The following ITGA9 variants were observed in gnomAD, a reference collection of about 807,000 sequenced individuals.
The protein encoded by ITGA9 is integrin subunit alpha 9, also known as integrin alpha-9.
ITGA9 carries 56 observed loss-of-function variants against 127.8 expected under a neutral mutation model. That is an observed-to-expected ratio of 0.44 (90% CI 0.35 to 0.55). ITGA9 has a LOEUF of 0.55. Among genes scored for constraint, ITGA9 ranks in the 20% least tolerant of loss-of-function variants. The pLI, the probability that ITGA9 is intolerant of heterozygous loss-of-function variation, is 0.00. For missense variants in ITGA9, 1,196 were observed against 1,347.1 expected (o/e 0.89, Z 1.76); for synonymous variants, 508 against 514.5 (o/e 0.99, Z 0.17).
intron 27 of ITGA9, among the ~76,000 whole-genome samples, chr3:37,809,301 G>A (rs910616147): frequency 6.6e-6 from 1 of 152,062 alleles, no homozygotes; most frequent in Non-Finnish European, 1.5e-5. Flanking sequence ...GGCCAGGCTG[G>A]TCTCGAACTC....
chr3:37,657,584 C>T, intron 17 of ITGA9, among the ~76,000 whole-genome samples: 1 of 146,834 alleles, frequency 6.8e-6, no homozygotes, highest in East Asian at 2.0e-4. Flanking sequence ...CTGTTTTCTT[C>T]TTTATTAGTG....
chr3:37,815,241 G>A (rs1298059195), intron 27 of ITGA9, among the ~76,000 whole-genome samples: 1 of 152,208 alleles, frequency 6.6e-6, no homozygotes, highest in East Asian at 1.9e-4. Context: ...TTAACACACT[G>A]TCTATGTCAA....
At chr3:37,566,783 T>C (rs1417783046) in intron 15 of ITGA9, among the ~76,000 whole-genome samples, 1 of 152,186 alleles carries the variant, frequency 6.6e-6, no homozygotes, top group Non-Finnish European at 1.5e-5. Flanking sequence ...ACCAGAGAGA[T>C]TTAAGCAAGA....
chr3:37,470,289 G>A (rs902933857), intron 1 of ITGA9, among the ~76,000 whole-genome samples: 1 of 152,114 alleles, frequency 6.6e-6, no homozygotes, highest in Admixed American at 6.5e-5. Context: ...ATTAGGAACT[G>A]TTGAATAGTT....
chr3:37,678,715 A>G (rs1700706434), intron 17 of ITGA9, among the ~76,000 whole-genome samples: 1 of 152,226 alleles, frequency 6.6e-6, no homozygotes, highest in African/African-American at 2.4e-5. Context: ...ATTATTAAGC[A>G]CCATCCAAAA....
intron 15 of ITGA9, among the ~76,000 whole-genome samples, chr3:37,596,665 CTTAGG>C (rs1699873927): frequency 6.6e-6 from 1 of 152,120 alleles, no homozygotes; most frequent in Admixed American, 6.5e-5. Flanking sequence ...GGGGTTGTAC[CTTAGG>C]TGACCCTAGG....
At chr3:37,638,172 A>G (rs1700298921) in intron 16 of ITGA9, among the ~76,000 whole-genome samples, 1 of 152,178 alleles carries the variant, frequency 6.6e-6, no homozygotes, top group South Asian at 2.1e-4. Context: ...TAAATCAACG[A>G]GTAGTAGTAT....
chr3:37,501,595 T>C (rs992010892), intron 5 of ITGA9, among the ~76,000 whole-genome samples: 1 of 152,168 alleles, frequency 6.6e-6, no homozygotes, highest in African/African-American at 2.4e-5. Context: ...GTTCCTCCTC[T>C]TTACTCCAGG....
At chr3:37,789,296 G>C (rs1697077197) in intron 26 of ITGA9, among the ~76,000 whole-genome samples, 1 of 152,162 alleles carries the variant, frequency 6.6e-6, no homozygotes, top group Non-Finnish European at 1.5e-5. Context: ...TTAAGAGTTG[G>C]TATGATGTGC....
At chr3:37,774,934 A>G (rs1696888738) in intron 23 of ITGA9, among the ~76,000 whole-genome samples, 2 of 152,364 alleles carry the variant, frequency 1.3e-5, no homozygotes, top group South Asian at 4.1e-4. Flanking sequence ...AGATAAATTT[A>G]GCAAATTTTG....
At chr3:37,464,416 G>A (rs945033788) in intron 1 of ITGA9, among the ~76,000 whole-genome samples, 4 of 151,924 alleles carry the variant, frequency 2.6e-5, no homozygotes, top group Non-Finnish European at 5.9e-5. Context: ...ACCTACTACT[G>A]CCCAGCAGTC....
intron 11 of ITGA9, among the ~76,000 whole-genome samples, chr3:37,522,336 G>A (rs569000016): frequency 1.3e-5 from 2 of 152,278 alleles, no homozygotes; most frequent in South Asian, 2.1e-4. Context: ...TGCGCCACAC[G>A]AATGTTGATG....
intron 18 of ITGA9, among the ~76,000 whole-genome samples, chr3:37,693,094 T>C (rs1700848373): frequency 6.6e-6 from 1 of 152,188 alleles, no homozygotes; most frequent in Non-Finnish European, 1.5e-5. Flanking sequence ...CTCCTGATCA[T>C]GCTCTAGCGC....
chr3:37,787,760 G>A (rs551090202), intron 26 of ITGA9, among the ~76,000 whole-genome samples: 64 of 152,250 alleles, frequency 4.2e-4, no homozygotes, highest in African/African-American at 1.4e-3. Context: ...ATAGAGCCTC[G>A]CCACCAAATT....
chr3:37,506,151 C>G, intron 7 of ITGA9, 66 bp downstream of exon 7: 1 of 1,215,972 alleles, frequency 8.2e-7, no homozygotes, highest in Non-Finnish European at 1.2e-6. Context: ...GTCCCTGGTG[C>G]AGAGGTTTGC....
rs146830240 is a variant in ITGA9, at chr3:37,731,041, G to T, written c.2068-1671G>T. ...CTGGCAGCCAGCCAAATGGACTGAA[G>T]GGGAAGGAAAGCTCATAGCAGCAGC... On this transcript the variant is annotated intron_variant, in intron 18 of 27. Coordinates refer to ENST00000264741, the MANE Select transcript of ITGA9 (RefSeq NM_002207.3). 2.2e-3 allele frequency among the ~76,000 whole-genome samples: 329 copies of T among 152,292 alleles called. 1 individual carries two copies. The highest frequency in any genetic ancestry group is 7.6e-3 in the African/African-American group (317 of 41,574).
intron 21 of ITGA9, 81 bp from the exon 22 acceptor site, chr3:37,743,845 A>G: frequency 1.0e-6 from 1 of 959,000 alleles, no homozygotes; most frequent in South Asian, 1.3e-5. Context: ...ATTGAGACAA[A>G]TGTTTGCTTC....
chr3:37,767,972 A>G (rs1033404204), intron 23 of ITGA9, among the ~76,000 whole-genome samples: 1 of 152,198 alleles, frequency 6.6e-6, no homozygotes, highest in African/African-American at 2.4e-5. Context: ...CTTATATTAA[A>G]TAGTGTCATT....
In ITGA9 at chr3:37,748,993, T is replaced by G. The variant is rs1575219932; in HGVS notation, c.2434-1469T>G. 4 of 481,416 alleles carry G rather than the reference T, an allele frequency of 8.3e-6. No individual in the cohort carries two copies. The East Asian group carries it at 1.4e-4, about 16-fold the overall frequency. 29.8% of individuals were successfully genotyped at this position (481,416 alleles called of 1,614,324 possible). ...TAACCCATTGACATAGCTTCTTGTA[T>G]TAATTTCTTATTGCTGCTGTAACAA... On this transcript the variant is annotated intron_variant, in intron 22 of 27. Transcript: ENST00000264741.
Sources: gnomAD v4.1 joint callset for allele counts (sites outside exome capture counted in the v4.1 genomes callset) on GRCh38, gnomAD v4.1.1 for gene constraint, MANE v1.5 for transcripts, NCBI Gene and HGNC (gene_info 2026-07-23, HGNC 2026-07-21) for gene names.